The following HLCS variants were observed in gnomAD, a reference collection of about 807,000 sequenced individuals.
HLCS encodes biotin--protein ligase.
Under a neutral mutation model 75.0 loss-of-function variants are expected in HLCS, and 53 were observed. That is an observed-to-expected ratio of 0.71 (90% CI 0.57 to 0.89). The LOEUF is 0.89. Among genes scored for constraint, HLCS ranks in the 40% least tolerant of loss-of-function variants. HLCS has a pLI of 0.00. For missense variants in HLCS, 966 were observed against 1,074.0 expected, an observed-to-expected ratio of 0.90 and a Z score of 1.41; for synonymous variants, 431 against 428.6, an observed-to-expected ratio of 1.01 and a Z score of -0.07.
At chr21:36,977,303 A>G (rs1381624905) in intron 1 of HLCS, among the ~76,000 whole-genome samples, 3 of 152,138 alleles carry the variant, frequency 2.0e-5, no homozygotes, top group Non-Finnish European at 2.9e-5. Context: ...CAGGCCCTCC[A>G]GAGGGGTGAT....
chr21:36,930,510 C>CTT, intron 4 of HLCS, 77 bp from the exon 5 acceptor site: 64 of 1,035,980 alleles, frequency 6.2e-5, no homozygotes, highest in Non-Finnish European at 7.7e-5. Flanking sequence ...TTTTCTTTTT[C>CTT]TTTTTTTTTT....
chr21:36,794,667 G>C (rs78279725), intron 6 of HLCS, among the ~76,000 whole-genome samples: 7,704 of 152,186 alleles, frequency 0.051, 306 homozygotes, highest in South Asian at 0.18. Flanking sequence ...AAGCTAACAG[G>C]GATGAGATAA....
chr21:36,856,892 C>T (rs1009351828), intron 6 of HLCS, among the ~76,000 whole-genome samples: 3 of 152,156 alleles, frequency 2.0e-5, no homozygotes, highest in Admixed American at 2.0e-4. Context: ...CACACACAGA[C>T]ATACATACAA....
intron 2 of HLCS, among the ~76,000 whole-genome samples, chr21:36,957,627 T>C (rs1393245362): frequency 1.3e-5 from 2 of 152,218 alleles, no homozygotes; most frequent in Non-Finnish European, 2.9e-5. Flanking sequence ...AATCGTCTTT[T>C]CTGCATATGA....
chr21:36,938,393 T>G (rs1402363116), intron 3 of HLCS, among the ~76,000 whole-genome samples: 1 of 152,224 alleles, frequency 6.6e-6, no homozygotes, highest in Non-Finnish European at 1.5e-5. Context: ...ATGAATTGTA[T>G]ATTATTACAG....
intron 5 of HLCS, among the ~76,000 whole-genome samples, chr21:36,904,795 A>C (rs1262861789): frequency 6.6e-6 from 1 of 152,224 alleles, no homozygotes; most frequent in Non-Finnish European, 1.5e-5. Context: ...TTGCATATAC[A>C]GCTGCTAATA....
At chr21:36,846,488 G>A (rs1399612611) in intron 6 of HLCS, among the ~76,000 whole-genome samples, 1 of 152,006 alleles carries the variant, frequency 6.6e-6, no homozygotes, top group Non-Finnish European at 1.5e-5. Flanking sequence ...TTATTTTCGG[G>A]GGGAGGTATA....
At chr21:36,768,248 C>T (rs898545455) in intron 6 of HLCS, among the ~76,000 whole-genome samples, 1 of 152,250 alleles carries the variant, frequency 6.6e-6, no homozygotes, top group East Asian at 1.9e-4. Flanking sequence ...AGGAGGGGAG[C>T]AGCCAGGACA....
intron 6 of HLCS, among the ~76,000 whole-genome samples, chr21:36,827,776 C>A (rs1435914295): frequency 2.0e-5 from 3 of 151,278 alleles, no homozygotes; most frequent in Admixed American, 6.6e-5. Context: ...CCTTTTCGTA[C>A]CCCCAAACTC....
chr21:36,949,527 C>T (rs771004361), intron 2 of HLCS, among the ~76,000 whole-genome samples: 3 of 152,224 alleles, frequency 2.0e-5, no homozygotes, highest in Non-Finnish European at 2.9e-5. Flanking sequence ...TGAGAATTTT[C>T]AGAATGTCAC....
rs144875277 is a variant in HLCS, at chr21:36,927,524, C to G, written c.1620+2727G>C. Among the ~76,000 whole-genome samples the G allele has an allele frequency of 1.7e-4, 26 of 152,290 alleles. No homozygotes were observed. The East Asian group carries it at 5.0e-3, about 29-fold the overall frequency. On this transcript the variant is annotated intron_variant, in intron 5 of 10. Transcript: ENST00000674895. Reference sequence around the variant, plus strand: ...CCAAACTGTGTAAACACAGCTGGTACGCAGTAAAACTATTTAGATAACTAG... The same window carrying G: ...CCAAACTGTGTAAACACAGCTGGTAGGCAGTAAAACTATTTAGATAACTAG...
chr21:36,979,780 G>C (rs1202676607), intron 1 of HLCS, among the ~76,000 whole-genome samples: 1 of 152,046 alleles, frequency 6.6e-6, no homozygotes, highest in Admixed American at 6.6e-5. Context: ...CAGGCGGCCA[G>C]GTGTGGTGGC....
At chr21:36,962,846 A>T (rs1218270478) in intron 1 of HLCS, among the ~76,000 whole-genome samples, 1 of 149,826 alleles carries the variant, frequency 6.7e-6, no homozygotes. Context: ...CGTACCCACC[A>T]ACAGAAGCTC....
chr21:36,936,190 A>G (rs2066870240), intron 4 of HLCS, among the ~76,000 whole-genome samples: 1 of 152,204 alleles, frequency 6.6e-6, no homozygotes, highest in Non-Finnish European at 1.5e-5. Context: ...GCCTCAGTTA[A>G]CCAGCAAGCT....
Position 36,851,765 on chromosome 21 carries a change from T to C in HLCS, c.1892+45095A>G, listed in dbSNP as rs574669963. 78 of 152,342 alleles carry C rather than the reference T, an allele frequency of 5.1e-4. 2 individuals are homozygous for C. The highest frequency in any genetic ancestry group is 1.8e-3 in the African/African-American group (76 of 41,574). The allele number at this position is 152,342 out of a possible 1,614,324, so 9.4% of individuals were successfully genotyped here. ...GTGATTATTACACATTGCATGTCTGTATCAAAATATCCCATATACCCCATA... is the reference window on the plus strand; with the variant it reads ...GTGATTATTACACATTGCATGTCTGCATCAAAATATCCCATATACCCCATA... On this transcript the variant is annotated intron_variant, in intron 6 of 10. Coordinates refer to ENST00000674895, the MANE Select transcript of HLCS (RefSeq NM_001352514.2).
chr21:36,800,923 G>T (rs995039341), intron 6 of HLCS, among the ~76,000 whole-genome samples: 2 of 151,992 alleles, frequency 1.3e-5, no homozygotes, highest in Admixed American at 6.6e-5. Flanking sequence ...TTGAGGGGCG[G>T]AGAGAGGTGT....
At chr21:36,816,057 A>G (rs2835466) in intron 6 of HLCS, among the ~76,000 whole-genome samples, 53,324 of 151,700 alleles carry the variant, frequency 0.35, 10,152 homozygotes, top group African/African-American at 0.48. Context: ...AACTCAGGGG[A>G]CTCTAAAGTA....
At chr21:36,897,495 G>T (rs1410817801) in intron 5 of HLCS, among the ~76,000 whole-genome samples, 3 of 151,940 alleles carry the variant, frequency 2.0e-5, no homozygotes, top group Non-Finnish European at 2.9e-5. Context: ...TTATCTTTTT[G>T]CCCCACAAAG....
At chr21:36,797,006 A>G (rs1276726499) in intron 6 of HLCS, among the ~76,000 whole-genome samples, 1 of 152,034 alleles carries the variant, frequency 6.6e-6, no homozygotes, top group African/African-American at 2.4e-5. Flanking sequence ...AGCTGGGACT[A>G]TAGGTGCACA....
Sources: gnomAD v4.1 joint callset for allele counts (sites outside exome capture counted in the v4.1 genomes callset) on GRCh38, gnomAD v4.1.1 for gene constraint, MANE v1.5 for transcripts, NCBI Gene and HGNC (gene_info 2026-07-23, HGNC 2026-07-21) for gene names.